TULP3: variants seen among roughly 807,000 people sequenced by gnomAD.
TULP3 encodes TUB like protein 3.
A neutral mutation model predicts 50.7 loss-of-function variants in TULP3; 38 were observed. That is an observed-to-expected ratio of 0.75 (90% CI 0.58 to 0.98). The LOEUF (loss-of-function observed/expected upper bound fraction) is 0.98. Ranked by LOEUF, TULP3 falls within the 50% of genes least tolerant of loss-of-function variation. The probability of loss-of-function intolerance (pLI) is 0.00; values close to 1 mark genes in which losing one functional copy is unlikely to be tolerated. For missense variants in TULP3, 550 were observed against 568.0 expected (o/e 0.97, Z 0.32); for synonymous variants, 183 against 196.6 (o/e 0.93, Z 0.58).
At chr12:2,891,303 G>A (rs1209371054) in intron 1 of TULP3, among the ~76,000 whole-genome samples, 1 of 152,180 alleles carries the variant, frequency 6.6e-6, no homozygotes, top group South Asian at 2.1e-4. Context: ...TCCCTCGGGG[G>A]AGAGGCGCTG....
chr12:2,937,668 T>C lies in TULP3; in HGVS notation c.962T>C (p.Met321Thr), dbSNP rs754773818. ...CTTGGATTTAAAGGTCCTAGGAAAA[T>C]GTCTGTGATCATTCCTGGAATGACA... ...NVLGFKGPRKMSVIIPGMTLN... is the reference protein window; with the variant it reads ...NVLGFKGPRKTSVIIPGMTLN... The change falls in exon 9 of 11, where the codon ATG (methionine) becomes ACG (threonine). Residue 321 changes from methionine (M) to threonine (T), a missense_variant. Transcript: ENST00000448120. The C allele has an allele frequency of 6.2e-7, 1 of 1,613,266 alleles. No homozygotes were observed. Among genetic ancestry groups the C allele is most frequent in the East Asian group, 2.2e-5 (1 of 44,872 alleles).
At chr12:2,907,014 T>C (rs1335326928) in intron 1 of TULP3, among the ~76,000 whole-genome samples, 1 of 151,858 alleles carries the variant, frequency 6.6e-6, no homozygotes, top group Non-Finnish European at 1.5e-5. Context: ...TGCTATATAA[T>C]GTCATTTTAT....
chr12:2,926,501 G>A (rs7132707), intron 4 of TULP3, among the ~76,000 whole-genome samples: 72,750 of 152,122 alleles, frequency 0.48, 17,868 homozygotes, highest in African/African-American at 0.6. Flanking sequence ...TAATAAGTTA[G>A]TATTTTAGAC....
Position 2,898,896 on chromosome 12 carries a change from C to T in TULP3, c.41+7908C>T, listed in dbSNP as rs1354656336. On this transcript the variant is annotated intron_variant, in intron 1 of 10. Coordinates refer to ENST00000448120, the MANE Select transcript of TULP3 (RefSeq NM_003324.5). ...GTCTCACTATGTTGCCCAGGCTGGT[C>T]TCAAACTCCTGGCCTCAAGCAGTCT... Among the ~76,000 whole-genome samples the T allele has an allele frequency of 2.6e-5, 4 of 152,148 alleles. No homozygotes were observed. The East Asian group carries it at 7.8e-4, about 30-fold the overall frequency.
intron 4 of TULP3, among the ~76,000 whole-genome samples, chr12:2,923,927 C>G (rs2098193253): frequency 6.6e-6 from 1 of 150,984 alleles, no homozygotes; most frequent in African/African-American, 2.4e-5. Flanking sequence ...TTGCACTAAG[C>G]TTGCGATTGC....
chr12:2,907,899 C>G (rs1303987373), intron 1 of TULP3, among the ~76,000 whole-genome samples: 1 of 152,078 alleles, frequency 6.6e-6, no homozygotes, highest in Admixed American at 6.6e-5. Context: ...ATTTGTTCCT[C>G]TTTGGAGCTG....
intron 1 of TULP3, among the ~76,000 whole-genome samples, chr12:2,907,676 A>G (rs1303151669): frequency 2.0e-5 from 3 of 151,606 alleles, no homozygotes; most frequent in African/African-American, 4.9e-5. Context: ...TTATTCTTAT[A>G]CACACTGAAC....
rs10664124 is a variant in TULP3 at position 2,900,602 on chromosome 12, C to CTTT, written c.42-8919_42-8917dup. On this transcript the variant is annotated intron_variant, in intron 1 of 10. Transcript: ENST00000448120. Reference sequence around the variant, plus strand: ...TCAAAAACATCTGTTTTGAATAATACTTTTTTTTTTAACACCCTACCTTTG... The same window carrying CTTT: ...TCAAAAACATCTGTTTTGAATAATACTTTTTTTTTTTTTAACACCCTACCTTTG... 1.2e-3 allele frequency among the ~76,000 whole-genome samples: 178 copies of CTTT among 149,812 alleles called. 1 individual carries two copies. In the Middle Eastern group the frequency reaches 0.014, roughly 12 times the overall value.
At position 2,940,236 on chromosome 12, in the gene TULP3, G is replaced by T. The variant is rs1197435486; in HGVS notation, c.*792G>T. The T allele has an allele frequency of 2.9e-6, 4 of 1,358,336 alleles. No individual in the cohort carries two copies. Among genetic ancestry groups the T allele is most frequent in the Non-Finnish European group, 1.9e-6 (2 of 1,035,122 alleles). 84.1% of individuals were successfully genotyped at this position (1,358,336 alleles called of 1,614,324 possible). ...TATATGACTACGGATCCATTAGTGA[G>T]GAGCGACACACACACCTGTAGGCAT... On this transcript the variant is annotated 3_prime_UTR_variant, in exon 11 of 11. Transcript: ENST00000448120.
At chr12:2,936,579 T>TAAA (rs55913637) in intron 8 of TULP3, among the ~76,000 whole-genome samples, 86 of 134,736 alleles carry the variant, frequency 6.4e-4, no homozygotes, top group African/African-American at 2.3e-3. Flanking sequence ...CCGTCTCGAC[T>TAAA]AAAAAAAAAA....
intron 2 of TULP3, among the ~76,000 whole-genome samples, chr12:2,916,807 A>T (rs892381595): frequency 7.9e-5 from 12 of 152,218 alleles, no homozygotes; most frequent in African/African-American, 2.2e-4. Flanking sequence ...TATTTTTCTT[A>T]TTTGTAAACT....
At position 2,920,866 on chromosome 12, in the gene TULP3, A is replaced by G. The variant is rs1565503640; in HGVS notation, c.197A>G (p.Asp66Gly). 6.2e-7 allele frequency: 1 copy of G among 1,614,202 alleles called. No individual in the cohort carries two copies. The highest frequency in any genetic ancestry group is 8.5e-7 in the Non-Finnish European group (1 of 1,180,042). The change falls in exon 3 of 11, where the codon GAT becomes GGT. Residue 66 changes from aspartate (D) to glycine (G), a missense_variant. Physicochemically the swap from Asp to Gly is moderately conservative, Grantham distance 94. Transcript: ENST00000448120. ...RLRRAKPRAS[D>G]EQTPLVNCHT... The stretch of plus-strand genomic sequence containing the variant: ...CGTCGGGCAAAGCCAAGGGCCAGTG[A>G]TGAGCAGACTCCCTTGGTGAACTGT...
Position 2,939,363 on chromosome 12 carries a change from G to A in TULP3, c.1248G>A (p.Leu416=), listed in dbSNP as rs1270423698. The A allele has an allele frequency of 6.2e-7, 1 of 1,614,200 alleles. No homozygotes were observed. The highest frequency in any genetic ancestry group is 2.2e-5 in the East Asian group (1 of 44,884). ...GTGTGGCAGATGACGTGTTCACACT[G>A]GATTACAACTACCCACTTTGTGCAG... The part of the protein sequence containing the change: ...FGRVADDVFT[L]DYNYPLCAVQ... Residue 416 remains leucine (L), a synonymous_variant, in exon 11 of 11, where the codon CTG becomes CTA. Transcript: ENST00000448120. The surrounding 1 kb of genome is among the most constrained non-coding windows in gnomAD (Gnocchi z 4.0).
rs994091919 is a variant in TULP3, at chr12:2,907,628, GGAGA to G, written c.42-1894_42-1891del. 1.7e-4 allele frequency among the ~76,000 whole-genome samples: 26 copies of G among 150,308 alleles called. No individual in the cohort carries two copies. In the South Asian group the frequency reaches 5.1e-3, roughly 29 times the overall value. ...AAGCCACTGCACTCCAGCTTGGGCA[GGAGA>G]GAGAGACTCTGTCTCAAAAAAAAAA... On this transcript the variant is annotated intron_variant, in intron 1 of 10. Transcript: ENST00000448120.
intron 1 of TULP3, among the ~76,000 whole-genome samples, chr12:2,896,285 G>A (rs2098175537): frequency 6.6e-6 from 1 of 152,202 alleles, no homozygotes; most frequent in Non-Finnish European, 1.5e-5. Context: ...TGTATATGCA[G>A]TATGGTTGAC....
intron 1 of TULP3, among the ~76,000 whole-genome samples, chr12:2,897,712 G>A (rs1327233286): frequency 6.7e-6 from 1 of 148,516 alleles, no homozygotes; most frequent in Admixed American, 6.8e-5. Context: ...CTCCCACCTC[G>A]GCCTCCCAAA....
At chr12:2,922,143 A>C in intron 3 of TULP3, 119 bp from the exon 4 acceptor site, 1 of 1,229,590 alleles carries the variant, frequency 8.1e-7, no homozygotes, top group Non-Finnish European at 1.1e-6. Context: ...GGATGTTAAG[A>C]AAGGAGGGCA....
intron 2 of TULP3, among the ~76,000 whole-genome samples, chr12:2,920,127 G>A (rs369692706): frequency 3.3e-5 from 5 of 151,718 alleles, no homozygotes; most frequent in Non-Finnish European, 7.4e-5. Context: ...TCTGTCCTCC[G>A]TGCATGTGTG....
At position 2,940,637 on chromosome 12, in the gene TULP3, C is replaced by T; in HGVS notation, c.*1193C>T. On this transcript the variant is annotated 3_prime_UTR_variant, in exon 11 of 11. Coordinates refer to ENST00000448120, the MANE Select transcript of TULP3 (RefSeq NM_003324.5). ...TGTTTGCCAGCGTTGGGTGGGACAC[C>T]CGTGGCGGCTGCTCCCTCAGACCTC... is the stretch of plus-strand genomic sequence containing the variant. 1.3e-6 allele frequency: 2 copies of T among 1,551,668 alleles called. No individual in the cohort carries two copies. The highest frequency in any genetic ancestry group is 1.7e-6 in the Non-Finnish European group (2 of 1,146,976).
Sources: allele counts gnomAD v4.1 joint callset (sites outside exome capture counted in the v4.1 genomes callset), GRCh38; gene constraint gnomAD v4.1.1; non-coding constraint Gnocchi (gnomAD v3.1); transcripts MANE v1.5; gene names NCBI Gene and HGNC (gene_info 2026-07-23, HGNC 2026-07-21).